The following BCKDHB variants were observed in gnomAD, a reference collection of about 807,000 sequenced individuals.
BCKDHB encodes the protein 2-oxoisovalerate dehydrogenase subunit beta, mitochondrial.
Under a neutral mutation model 48.5 loss-of-function variants are expected in BCKDHB, and 41 were observed. The observed-to-expected ratio is 0.85, with a 90% CI of 0.66 to 1.10. BCKDHB has a LOEUF of 1.10. BCKDHB is among the 50% of genes least tolerant of loss of function. BCKDHB has a pLI of 0.00. For synonymous variants in BCKDHB, 201 were observed against 174.8 expected, an observed-to-expected ratio of 1.15 and a Z score of -1.18; for missense variants, 496 against 494.2, an observed-to-expected ratio of 1.00 and a Z score of -0.03.
At chr6:80,297,538 T>C (rs867197111) in intron 9 of BCKDHB, among the ~76,000 whole-genome samples, 1 of 152,200 alleles carries the variant, frequency 6.6e-6, no homozygotes, top group Non-Finnish European at 1.5e-5. Context: ...TAAGTTTCTC[T>C]TTAAAGCATG....
At chr6:80,249,622 A>G (rs1442003488) in intron 8 of BCKDHB, among the ~76,000 whole-genome samples, 1 of 152,168 alleles carries the variant, frequency 6.6e-6, no homozygotes, top group Non-Finnish European at 1.5e-5. Context: ...TGTCAAATAC[A>G]TTTTAAGGCA....
intron 3 of BCKDHB, among the ~76,000 whole-genome samples, chr6:80,132,746 A>G (rs1187962765): frequency 6.6e-6 from 1 of 152,192 alleles, no homozygotes; most frequent in Non-Finnish European, 1.5e-5. Flanking sequence ...GAGGATGTTG[A>G]TCAAGATGAA....
chr6:80,353,678 C>T, the BCKDHB span, among the ~76,000 whole-genome samples: 1 of 152,040 alleles, frequency 6.6e-6, no homozygotes, highest in Admixed American at 6.6e-5. Flanking sequence ...CATGGTGAAA[C>T]CCCATCTCTA....
chr6:80,381,723 T>C, the BCKDHB span, among the ~76,000 whole-genome samples: 25 of 152,256 alleles, frequency 1.6e-4, no homozygotes, highest in East Asian at 3.5e-3. Context: ...AGGACATTTC[T>C]AACTACCAGC....
chr6:80,293,944 C>T (rs2127986594), intron 9 of BCKDHB, among the ~76,000 whole-genome samples: 1 of 152,318 alleles, frequency 6.6e-6, no homozygotes, highest in African/African-American at 2.4e-5. Flanking sequence ...GAGACCACCT[C>T]AGCCTGGACC....
intron 8 of BCKDHB, among the ~76,000 whole-genome samples, chr6:80,270,212 A>G (rs1777677836): frequency 1.3e-5 from 2 of 152,146 alleles, no homozygotes; most frequent in East Asian, 1.9e-4. Flanking sequence ...ACAGTTCAGT[A>G]TATGCTAATT....
At chr6:80,262,387 T>C (rs914430343) in intron 8 of BCKDHB, among the ~76,000 whole-genome samples, 1 of 152,132 alleles carries the variant, frequency 6.6e-6, no homozygotes, top group Non-Finnish European at 1.5e-5. Context: ...CACACACATA[T>C]GACTATTTTA....
the BCKDHB span, among the ~76,000 whole-genome samples, chr6:80,362,709 A>G: frequency 6.6e-6 from 1 of 152,340 alleles, no homozygotes; most frequent in Non-Finnish European, 1.5e-5. Flanking sequence ...AAAAATTCAT[A>G]GGTAGGGGCA....
chr6:80,405,759 TATTTTAGGTTGATAACA>T, the BCKDHB span, among the ~76,000 whole-genome samples: 4 of 152,282 alleles, frequency 2.6e-5, no homozygotes, highest in East Asian at 7.7e-4. Context: ...TACAGCAGCT[TATTTTAGGTTGATAACA>T]ATTTAATACT....
chr6:80,245,544 A>G (rs1156487562), intron 8 of BCKDHB, among the ~76,000 whole-genome samples: 1 of 152,140 alleles, frequency 6.6e-6, no homozygotes, highest in Non-Finnish European at 1.5e-5. Context: ...TTAAGTTCTG[A>G]TACTATTTTC....
At chr6:80,200,862 C>T in intron 6 of BCKDHB, 72 bp from the exon 7 acceptor site, 1 of 1,240,656 alleles carries the variant, frequency 8.1e-7, no homozygotes, top group Non-Finnish European at 1.2e-6. Flanking sequence ...CAGTGAGCTT[C>T]TTAAATTATT....
intron 9 of BCKDHB, among the ~76,000 whole-genome samples, chr6:80,287,034 G>T (rs3805885): frequency 4.6e-5 from 7 of 151,976 alleles, no homozygotes; most frequent in South Asian, 2.1e-4. Flanking sequence ...TTCTATGTCA[G>T]GCCAAAGGGA....
At chr6:80,250,956 C>A (rs1368483934) in intron 8 of BCKDHB, among the ~76,000 whole-genome samples, 1 of 152,108 alleles carries the variant, frequency 6.6e-6, no homozygotes, top group Non-Finnish European at 1.5e-5. Flanking sequence ...GGTGAATAAA[C>A]AGATTGTTTA....
At chr6:80,168,317 G>C (rs1161152829) in intron 4 of BCKDHB, among the ~76,000 whole-genome samples, 2 of 150,106 alleles carry the variant, frequency 1.3e-5, no homozygotes, top group African/African-American at 4.9e-5. Context: ...GAAAGAGCGA[G>C]AGAGAGGGGA....
At chr6:80,164,862 A>G (rs946035927) in intron 3 of BCKDHB, among the ~76,000 whole-genome samples, 2 of 152,192 alleles carry the variant, frequency 1.3e-5, no homozygotes, top group Admixed American at 6.5e-5. Flanking sequence ...GCATTATAAG[A>G]TAGAGGAAGT....
chr6:80,377,645 G>A, the BCKDHB span, among the ~76,000 whole-genome samples: 1 of 152,140 alleles, frequency 6.6e-6, no homozygotes, highest in Non-Finnish European at 1.5e-5. Flanking sequence ...GACCATAGAT[G>A]TATGGATTTA....
the BCKDHB span, among the ~76,000 whole-genome samples, chr6:80,372,430 T>C: frequency 6.6e-6 from 1 of 152,192 alleles, no homozygotes; most frequent in Non-Finnish European, 1.5e-5. Context: ...CCAATTTGGA[T>C]GCCCTTTATT....
At chr6:80,152,158 TTC>T (rs1771816259) in intron 3 of BCKDHB, among the ~76,000 whole-genome samples, 3 of 125,772 alleles carry the variant, frequency 2.4e-5, no homozygotes, top group South Asian at 2.6e-4. Context: ...TATTTTTGTA[TTC>T]TTTTTTTTTT....
intron 9 of BCKDHB, among the ~76,000 whole-genome samples, chr6:80,293,713 TA>T (rs1341676336): frequency 5.9e-5 from 9 of 152,360 alleles, no homozygotes; most frequent in African/African-American, 2.2e-4. Context: ...TCCAAACTTT[TA>T]TGCTCTGTTT....
Sources: allele counts gnomAD v4.1 joint callset (sites outside exome capture counted in the v4.1 genomes callset), GRCh38; gene constraint gnomAD v4.1.1; transcripts MANE v1.5; gene names NCBI Gene and HGNC (gene_info 2026-07-23, HGNC 2026-07-21).